The following SYNE1 variants were observed in gnomAD, a reference collection of about 807,000 sequenced individuals.
SYNE1 encodes spectrin repeat containing nuclear envelope protein 1.
SYNE1 carries 616 observed loss-of-function variants against 1,111.0 expected under a neutral mutation model. The observed-to-expected ratio is 0.55, with a 90% CI of 0.52 to 0.59. The LOEUF is 0.59. Among genes scored for constraint, SYNE1 ranks in the 20% least tolerant of loss-of-function variants. SYNE1 has a pLI of 0.00. For missense variants in SYNE1, 10,006 were observed against 10,417.0 expected, an observed-to-expected ratio of 0.96 and a Z score of 1.72; for synonymous variants, 3,855 against 3,825.8, an observed-to-expected ratio of 1.01 and a Z score of -0.28.
intron 11 of SYNE1, among the ~76,000 whole-genome samples, chr6:152,494,965 A>T (rs144291644): frequency 3.3e-5 from 5 of 152,036 alleles, no homozygotes; most frequent in African/African-American, 9.7e-5. Context: ...CCACCTATCA[A>T]TCCCTCCCTA....
chr6:152,306,032 C>A (rs764890715), intron 91 of SYNE1, among the ~76,000 whole-genome samples: 3 of 151,936 alleles, frequency 2.0e-5, no homozygotes, highest in Non-Finnish European at 4.4e-5. Flanking sequence ...ATTAAGTAGC[C>A]CAGATAGTTT....
At chr6:152,557,338 A>G (rs562397668) in intron 3 of SYNE1, among the ~76,000 whole-genome samples, 5 of 152,264 alleles carry the variant, frequency 3.3e-5, no homozygotes, top group African/African-American at 7.2e-5. Context: ...AAGCTAATCA[A>G]TATACATATT....
At chr6:152,428,785 T>C (rs1200043578) in intron 36 of SYNE1, among the ~76,000 whole-genome samples, 1 of 152,146 alleles carries the variant, frequency 6.6e-6, no homozygotes, top group East Asian at 1.9e-4. Flanking sequence ...AAAAGGTCTG[T>C]GCCCATGATT....
intron 112 of SYNE1, among the ~76,000 whole-genome samples, chr6:152,232,584 C>A (rs943542339): frequency 6.6e-6 from 1 of 152,026 alleles, no homozygotes; most frequent in Non-Finnish European, 1.5e-5. Context: ...AAAAACTTAA[C>A]CAGAAAACAT....
chr6:152,409,821 G>T, intron 42 of SYNE1, 112 bp from the exon 43 acceptor site: 2 of 1,132,014 alleles, frequency 1.8e-6, no homozygotes, highest in African/African-American at 1.5e-5. Context: ...ACTCATAGAC[G>T]GATTCCTACA....
At chr6:152,193,001 T>C (rs2072992931) in intron 127 of SYNE1, among the ~76,000 whole-genome samples, 1 of 152,298 alleles carries the variant, frequency 6.6e-6, no homozygotes, top group African/African-American at 2.4e-5. Context: ...CATTGGGTCT[T>C]ATGTTTTTTA....
At chr6:152,518,739 C>T (rs2154346431) in intron 6 of SYNE1, among the ~76,000 whole-genome samples, 1 of 152,050 alleles carries the variant, frequency 6.6e-6, no homozygotes, top group African/African-American at 2.4e-5. Context: ...GACATAAGGC[C>T]AGAGTAAAAC....
chr6:152,209,757 A>G (rs201973933), intron 124 of SYNE1, among the ~76,000 whole-genome samples: 1 of 106,066 alleles, frequency 9.4e-6, no homozygotes, highest in African/African-American at 3.3e-5. Context: ...CTCAAAAAAG[A>G]AAAAAAAAAA....
intron 33 of SYNE1, chr6:152,435,444 G>A (rs2098464874): frequency 6.6e-6 from 1 of 152,068 alleles, no homozygotes; most frequent in Admixed American, 6.6e-5. Context: ...GTTAATTTCT[G>A]GAAAGAGCAT....
intron 14 of SYNE1, among the ~76,000 whole-genome samples, chr6:152,478,156 T>G (rs1362843615): frequency 6.6e-6 from 1 of 152,150 alleles, no homozygotes; most frequent in Non-Finnish European, 1.5e-5. Context: ...GGATGAGGAA[T>G]GAGGCAAAGC....
chr6:152,340,328 C>A (rs2096505896), intron 74 of SYNE1, among the ~76,000 whole-genome samples: 2 of 152,148 alleles, frequency 1.3e-5, no homozygotes, highest in South Asian at 4.1e-4. Context: ...GTCATGGAGC[C>A]CCTTACAAGG....
intron 101 of SYNE1, among the ~76,000 whole-genome samples, chr6:152,258,427 T>C (rs1269225117): frequency 2.0e-5 from 3 of 152,220 alleles, no homozygotes; most frequent in African/African-American, 7.2e-5. Flanking sequence ...ATTATTATAA[T>C]GCATATATGT....
At chr6:152,281,727 C>A in intron 97 of SYNE1, 80 bp downstream of exon 97, 1 of 1,491,232 alleles carries the variant, frequency 6.7e-7, no homozygotes, top group Non-Finnish European at 9.3e-7. Flanking sequence ...CCACACCAAG[C>A]CTTTTTATAG....
intron 4 of SYNE1, among the ~76,000 whole-genome samples, chr6:152,529,510 A>G (rs1177377969): frequency 6.6e-6 from 1 of 152,182 alleles, no homozygotes; most frequent in Non-Finnish European, 1.5e-5. Flanking sequence ...TCCTTCTCAC[A>G]ACTGGGTTAG....
rs1428331149 is a variant in SYNE1, at chr6:152,225,892, A to T, written c.21196-16T>A. 3 of 1,610,240 alleles carry T rather than the reference A, an allele frequency of 1.9e-6. No individual in the cohort carries two copies. In the South Asian group the frequency reaches 3.3e-5, roughly 18 times the overall value. On this transcript the variant is annotated splice_polypyrimidine_tract_variant and intron_variant, in intron 115 of 145. Coordinates refer to ENST00000367255, the MANE Select transcript of SYNE1 (RefSeq NM_182961.4). ...CTTCCAGATCCTGAAAGATTTAAAA[A>T]ATAGTCACTTTAAATTGTTCTATTA...
At chr6:152,556,398 C>T (rs2099365103) in intron 3 of SYNE1, among the ~76,000 whole-genome samples, 1 of 152,182 alleles carries the variant, frequency 6.6e-6, no homozygotes, top group Admixed American at 6.5e-5. Context: ...CCCCAGTGAA[C>T]TCTAGTGTCA....
At chr6:152,625,355 A>G (rs1204086875) in intron 3 of SYNE1, among the ~76,000 whole-genome samples, 1 of 152,208 alleles carries the variant, frequency 6.6e-6, no homozygotes, top group African/African-American at 2.4e-5. Flanking sequence ...CACGTCACCA[A>G]CTGAATCAGC....
In SYNE1 at chr6:152,394,854, C is replaced by T. The variant is rs1051572815; in HGVS notation, c.7712+662G>A. On this transcript the variant is annotated intron_variant, in intron 51 of 145. Coordinates refer to ENST00000367255, the MANE Select transcript of SYNE1 (RefSeq NM_182961.4). ...AGGCTGGAGTGCAGTGGCATGATCT[C>T]GGCTCACTGCAACCTTTGCCTCCCG... is the stretch of plus-strand genomic sequence containing the variant. Among the ~76,000 whole-genome samples, 6 of 144,634 alleles carry T rather than the reference C, an allele frequency of 4.1e-5. No individual in the cohort carries two copies. In the East Asian group the frequency reaches 6.3e-4, roughly 15 times the overall value. The allele number at this position is 144,634 out of a possible 152,430, so 94.9% of individuals were successfully genotyped here.
intron 2 of SYNE1, among the ~76,000 whole-genome samples, chr6:152,629,350 G>A (rs941837782): frequency 1.3e-4 from 20 of 151,880 alleles, no homozygotes; most frequent in African/African-American, 4.1e-4. Flanking sequence ...GATTACAGGC[G>A]TATACCACCA....
Sources: allele counts gnomAD v4.1 joint callset (sites outside exome capture counted in the v4.1 genomes callset), GRCh38; gene constraint gnomAD v4.1.1; transcripts MANE v1.5; gene names NCBI Gene and HGNC (gene_info 2026-07-23, HGNC 2026-07-21).